MAN2A1: variants seen among roughly 807,000 people sequenced by gnomAD.
MAN2A1 encodes the protein mannosidase alpha class 2A member 1, also known as alpha-mannosidase 2.
MAN2A1 carries 76 observed loss-of-function variants against 142.6 expected under a neutral mutation model. The ratio of observed to expected loss-of-function variants is 0.53; its 90% CI spans 0.44 to 0.65. The LOEUF (loss-of-function observed/expected upper bound fraction) is 0.65. Among genes scored for constraint, MAN2A1 ranks in the 30% least tolerant of loss-of-function variants. MAN2A1 has a pLI of 0.00. For missense variants in MAN2A1, 1,311 were observed against 1,365.1 expected (o/e 0.96, Z 0.62); for synonymous variants, 559 against 473.2 (o/e 1.18, Z -2.35).
intron 2 of MAN2A1, among the ~76,000 whole-genome samples, chr5:109,715,444 C>T (rs1330489132): frequency 2.0e-5 from 3 of 151,732 alleles, no homozygotes; most frequent in Non-Finnish European, 2.9e-5. Context: ...TTTTTCCCAC[C>T]GTTTTTTCCT....
At chr5:109,747,717 G>A (rs576931766) in intron 4 of MAN2A1, among the ~76,000 whole-genome samples, 29 of 152,250 alleles carry the variant, frequency 1.9e-4, no homozygotes, top group African/African-American at 6.7e-4. Context: ...TTTAGAACAA[G>A]CAAGTTGACA....
chr5:109,818,236 GTTC>G (rs1274523914), intron 13 of MAN2A1, among the ~76,000 whole-genome samples: 1 of 152,096 alleles, frequency 6.6e-6, no homozygotes, highest in Non-Finnish European at 1.5e-5. Flanking sequence ...TGTCTCCCGG[GTTC>G]AAGTGATTCT....
intron 12 of MAN2A1, among the ~76,000 whole-genome samples, chr5:109,809,691 G>A (rs1754266877): frequency 6.6e-6 from 1 of 151,956 alleles, no homozygotes; most frequent in Non-Finnish European, 1.5e-5. Context: ...TTTTCATAGG[G>A]GATTTAACAT....
At chr5:109,861,042 C>T (rs796365049) in intron 20 of MAN2A1, among the ~76,000 whole-genome samples, 1 of 152,292 alleles carries the variant, frequency 6.6e-6, no homozygotes, top group South Asian at 2.1e-4. Flanking sequence ...GAGAAGGAAG[C>T]TGTTAAAAGC....
chr5:109,843,219 C>T (rs1326500748), intron 17 of MAN2A1, among the ~76,000 whole-genome samples: 1 of 152,160 alleles, frequency 6.6e-6, no homozygotes, highest in Non-Finnish European at 1.5e-5. Flanking sequence ...GAGGGGTAGC[C>T]TCAGGAAACT....
At chr5:109,731,671 T>C (rs1367392291) in intron 4 of MAN2A1, among the ~76,000 whole-genome samples, 2 of 151,822 alleles carry the variant, frequency 1.3e-5, no homozygotes, top group African/African-American at 2.4e-5. Context: ...TTCATCCATG[T>C]CCCTACAAAG....
chr5:109,712,160 A>C (rs1258562781), intron 1 of MAN2A1, among the ~76,000 whole-genome samples: 1 of 150,614 alleles, frequency 6.6e-6, no homozygotes, highest in African/African-American at 2.5e-5. Context: ...ATTCTGGCAT[A>C]GTTTGCTCAA....
chr5:109,789,588 T>G, intron 12 of MAN2A1, 61 bp downstream of exon 12: 1 of 1,177,310 alleles, frequency 8.5e-7, no homozygotes, highest in Non-Finnish European at 1.2e-6. Flanking sequence ...TTTGGTTTTA[T>G]GGTTCTGGTT....
At position 109,733,591 on chromosome 5, in the gene MAN2A1, A is replaced by G. The variant is rs555716300; in HGVS notation, c.707+4078A>G. Among the ~76,000 whole-genome samples, 6 of 152,266 alleles carry G rather than the reference A, an allele frequency of 3.9e-5. 1 individual carries two copies. In the East Asian group the frequency reaches 5.8e-4, roughly 15 times the overall value. ...CATGAAGTGTTGTTGAATTTTGTCA[A>G]AGGCCTTTTCTGCATCTATTGAGAT... On this transcript the variant is annotated intron_variant, in intron 4 of 21. Coordinates refer to ENST00000261483, the MANE Select transcript of MAN2A1 (RefSeq NM_002372.4).
intron 19 of MAN2A1, 125 bp from the exon 20 acceptor site, chr5:109,855,015 T>C: frequency 6.3e-6 from 3 of 478,518 alleles, no homozygotes; most frequent in Non-Finnish European, 1.1e-5. Flanking sequence ...AAGACTGTTA[T>C]TTATAAAATG....
chr5:109,838,157 G>C (rs992035177), intron 16 of MAN2A1, among the ~76,000 whole-genome samples: 2 of 152,000 alleles, frequency 1.3e-5, no homozygotes, highest in Non-Finnish European at 2.9e-5. Context: ...ACTCTTTTTG[G>C]CCTTTTTATT....
intron 4 of MAN2A1, among the ~76,000 whole-genome samples, chr5:109,738,233 G>GTTTT (rs70999941): frequency 8.2e-6 from 1 of 122,586 alleles, no homozygotes; most frequent in African/African-American, 3.2e-5. Context: ...GGTATTTTAT[G>GTTTT]TTTTTTTTTT....
intron 1 of MAN2A1, among the ~76,000 whole-genome samples, chr5:109,709,228 A>G (rs542667257): frequency 1.3e-5 from 2 of 152,364 alleles, no homozygotes; most frequent in South Asian, 4.1e-4. Context: ...GTTCAACCTT[A>G]CGAAATTGGT....
rs1554078285 is a variant in MAN2A1 at position 109,780,548 on chromosome 5, GTA to G, written c.1375-846_1375-845del. 2.1e-3 allele frequency among the ~76,000 whole-genome samples: 302 copies of G among 145,644 alleles called. 2 individuals are homozygous for G. The highest frequency in any genetic ancestry group is 7.3e-3 in the African/African-American group (290 of 39,632). ...TGTGTGTGTGTGTGTGTGTGTGTGT[GTA>G]TGTGTGTAGGAAACAACAAAATCCG... is the stretch of plus-strand genomic sequence containing the variant. On this transcript the variant is annotated intron_variant, in intron 8 of 21. Transcript: ENST00000261483.
At chr5:109,863,401 G>A (rs1375290719) in intron 20 of MAN2A1, 2 of 152,166 alleles carry the variant, frequency 1.3e-5, no homozygotes, top group African/African-American at 4.8e-5. Context: ...GGAAAACCTG[G>A]TTTTGCTGAA....
At chr5:109,804,302 C>T (rs1282524590) in intron 12 of MAN2A1, 5 of 985,644 alleles carry the variant, frequency 5.1e-6, no homozygotes, top group Non-Finnish European at 6.0e-6. Context: ...TTAAATAGAG[C>T]CTTTGGACTT....
intron 1 of MAN2A1, among the ~76,000 whole-genome samples, chr5:109,696,461 GA>G (rs1750815368): frequency 6.6e-6 from 1 of 152,194 alleles, no homozygotes; most frequent in East Asian, 1.9e-4. Context: ...CTAAAGAAGA[GA>G]AAGTACTTTA....
chr5:109,693,158 C>G (rs1162206435), intron 1 of MAN2A1, among the ~76,000 whole-genome samples: 4 of 149,178 alleles, frequency 2.7e-5, no homozygotes, highest in Admixed American at 1.3e-4. Context: ...GGTCCTTTTT[C>G]TGAAACATTT....
intron 1 of MAN2A1, among the ~76,000 whole-genome samples, chr5:109,693,429 A>G (rs962378448): frequency 2.6e-5 from 4 of 151,832 alleles, no homozygotes; most frequent in Non-Finnish European, 4.4e-5. Flanking sequence ...TTTGGTATCT[A>G]GTAGAACGGT....
Sources: allele counts gnomAD v4.1 joint callset (sites outside exome capture counted in the v4.1 genomes callset), GRCh38; gene constraint gnomAD v4.1.1; transcripts MANE v1.5; gene names NCBI Gene and HGNC (gene_info 2026-07-23, HGNC 2026-07-21).